Variants in CC2D2A observed in about 807,000 individuals in gnomAD.
CC2D2A encodes coiled-coil and C2 domain-containing protein 2A.
CC2D2A carries 155 observed loss-of-function variants against 212.9 expected under a neutral mutation model. The observed-to-expected ratio is 0.73, with a 90% CI of 0.64 to 0.83. The LOEUF (loss-of-function observed/expected upper bound fraction) is 0.83. Ranked by LOEUF, CC2D2A falls within the 40% of genes least tolerant of loss-of-function variation. The pLI is 0.00. For missense variants in CC2D2A, 1,856 were observed against 1,956.2 expected (o/e 0.95, Z 0.97); for synonymous variants, 667 against 686.5 (o/e 0.97, Z 0.44).
chr4:15,515,976 T>C lies in CC2D2A; in HGVS notation c.989T>C (p.Met330Thr), dbSNP rs1553826997. 4 of 1,589,784 alleles carry C rather than the reference T, an allele frequency of 2.5e-6. No individual in the cohort carries two copies. The highest frequency in any genetic ancestry group is 3.4e-6 in the Non-Finnish European group (4 of 1,167,740). Residue 330 changes from methionine to threonine, a missense_variant, in exon 10 of 37, where the codon ATG (methionine) becomes ACG (threonine). Coordinates refer to ENST00000424120, the MANE Select transcript of CC2D2A (RefSeq NM_001378615.1). ...GTGGCACGCACCAATCAGAACATCATGGAGAACAGATTGCTGATGCAGGAC... is the reference window on the plus strand; with the variant it reads ...GTGGCACGCACCAATCAGAACATCACGGAGAACAGATTGCTGATGCAGGAC... ...PEVARTNQNIMENRLLMQDPE... is the reference protein window; with the variant it reads ...PEVARTNQNITENRLLMQDPE...
At chr4:15,556,517 CTA>C (rs1474527165) in intron 20 of CC2D2A, among the ~76,000 whole-genome samples, 12 of 152,178 alleles carry the variant, frequency 7.9e-5, no homozygotes, top group Admixed American at 1.3e-4. Context: ...TTCTTTTTAA[CTA>C]TATGTTTTCC....
At chr4:15,495,774 A>G (rs1715581353) in intron 4 of CC2D2A, among the ~76,000 whole-genome samples, 1 of 152,114 alleles carries the variant, frequency 6.6e-6, no homozygotes, top group African/African-American at 2.4e-5. Flanking sequence ...GGGCCAAATG[A>G]TAGTTCTATT....
At chr4:15,551,176 T>C (rs576777099) in intron 18 of CC2D2A, among the ~76,000 whole-genome samples, 196 bp downstream of exon 18, 33 of 152,360 alleles carry the variant, frequency 2.2e-4, no homozygotes, top group Admixed American at 2.1e-3. Context: ...TGCATATAAC[T>C]GTGCAACTAT....
chr4:15,500,107 G>GTGTGTGTGTATATATATA (rs1479141284), intron 4 of CC2D2A, among the ~76,000 whole-genome samples: 23 of 112,940 alleles, frequency 2.0e-4, no homozygotes, highest in South Asian at 6.3e-4. Context: ...GTGTGTGTGT[G>GTGTGTGTGTATATATATA]TATATATATA....
intron 4 of CC2D2A, among the ~76,000 whole-genome samples, chr4:15,492,537 C>T (rs1335947051): frequency 1.3e-5 from 2 of 150,822 alleles, no homozygotes; most frequent in African/African-American, 4.9e-5. Context: ...GCACAGGGGA[C>T]TTTATTGATT....
chr4:15,553,170 C>T lies in CC2D2A; in HGVS notation c.2351C>T (p.Ser784Leu). Residue 784 changes from serine to leucine, a missense_variant, in exon 19 of 37, where the codon TCA becomes TTA. By Grantham distance (145) the Ser-to-Leu change is moderately radical. This residue lies in a region of CC2D2A where 1,512 missense variants were observed against 1,579.3 expected (regional missense o/e 0.96). Transcript: ENST00000424120. Reference protein sequence around the residue: ...HEGVGSGVPFSFEADGSNQLT... With the variant: ...HEGVGSGVPFLFEADGSNQLT... Reference sequence around the variant, plus strand: ...GGTGTTTCCCCAGGAGTGCCCTTCTCATTTGAAGCTGATGGCAGTAACCAG... The same window carrying T: ...GGTGTTTCCCCAGGAGTGCCCTTCTTATTTGAAGCTGATGGCAGTAACCAG... The T allele has an allele frequency of 6.2e-7, 1 of 1,602,804 alleles. No individual in the cohort carries two copies. The highest frequency in any genetic ancestry group is 8.5e-7 in the Non-Finnish European group (1 of 1,175,960).
At chr4:15,482,124 A>G in intron 4 of CC2D2A, 2 of 985,454 alleles carry the variant, frequency 2.0e-6, no homozygotes, top group Non-Finnish European at 2.4e-6. Context: ...CCTATGGCAA[A>G]GTTGGGAAAT....
At chr4:15,530,072 C>T (rs932172838) in intron 13 of CC2D2A, among the ~76,000 whole-genome samples, 7 of 151,622 alleles carry the variant, frequency 4.6e-5, no homozygotes, top group Non-Finnish European at 1.0e-4. Flanking sequence ...CCCGGGTTCA[C>T]GCCATTCTCC....
At chr4:15,560,703 G>T in intron 23 of CC2D2A, 81 bp downstream of exon 23, 2 of 656,266 alleles carry the variant, frequency 3.0e-6, no homozygotes, top group Non-Finnish European at 5.1e-6. Context: ...TATCATATAA[G>T]ATTTTTAAAA....
At chr4:15,521,584 C>G (rs939072335) in intron 11 of CC2D2A, among the ~76,000 whole-genome samples, 1 of 152,096 alleles carries the variant, frequency 6.6e-6, no homozygotes, top group African/African-American at 2.4e-5. Context: ...GGCAATAGGT[C>G]GGCAGGCGAA....
At chr4:15,484,797 G>C (rs960836904) in intron 4 of CC2D2A, among the ~76,000 whole-genome samples, 6 of 152,204 alleles carry the variant, frequency 3.9e-5, no homozygotes, top group African/African-American at 1.4e-4. Flanking sequence ...GACATGCAAA[G>C]TTGAGATGCC....
At chr4:15,546,692 C>T (rs370986457) in intron 17 of CC2D2A, among the ~76,000 whole-genome samples, 1 of 152,226 alleles carries the variant, frequency 6.6e-6, no homozygotes. Flanking sequence ...ATCTTACTTG[C>T]CATGCTTTAA....
At chr4:15,483,791 G>C (rs557849799) in intron 4 of CC2D2A, among the ~76,000 whole-genome samples, 2 of 152,244 alleles carry the variant, frequency 1.3e-5, no homozygotes, top group South Asian at 4.1e-4. Context: ...TGAATGCCTC[G>C]TGACCATCTC....
chr4:15,522,785 T>C (rs1308395195), intron 11 of CC2D2A, among the ~76,000 whole-genome samples: 1 of 152,094 alleles, frequency 6.6e-6, no homozygotes, highest in Non-Finnish European at 1.5e-5. Flanking sequence ...CAATATAAAA[T>C]GCAGTTTGCC....
chr4:15,600,194 T>TAA (rs1392074796), intron 36 of CC2D2A, among the ~76,000 whole-genome samples: 1 of 152,200 alleles, frequency 6.6e-6, no homozygotes, highest in Non-Finnish European at 1.5e-5. Context: ...CCTTACTAGC[T>TAA]AAACAGTGTG....
At chr4:15,515,721 C>G in intron 9 of CC2D2A, 147 bp from the exon 10 acceptor site, 1 of 761,948 alleles carries the variant, frequency 1.3e-6, no homozygotes, top group Non-Finnish European at 2.0e-6. Context: ...TTCATCTTTT[C>G]CTTGGTTCTG....
intron 34 of CC2D2A, 132 bp downstream of exon 34, chr4:15,596,339 C>A: frequency 2.8e-6 from 2 of 709,268 alleles, no homozygotes; most frequent in Non-Finnish European, 4.1e-6. Context: ...GAGCTCAACT[C>A]ACAACAAGAA....
intron 1 of CC2D2A, among the ~76,000 whole-genome samples, chr4:15,472,188 T>A (rs1423588236): frequency 1.3e-5 from 2 of 152,174 alleles, no homozygotes; most frequent in African/African-American, 2.4e-5. Context: ...AATGTGACAT[T>A]TAATAATTAT....
intron 6 of CC2D2A, among the ~76,000 whole-genome samples, chr4:15,507,644 T>C (rs115156461): frequency 2.8e-4 from 43 of 152,292 alleles, no homozygotes; most frequent in African/African-American, 1.0e-3. Context: ...CATTTATTAG[T>C]GTGCAAGGAG....
Sources: gnomAD v4.1 joint callset for allele counts (sites outside exome capture counted in the v4.1 genomes callset) on GRCh38, gnomAD v4.1.1 for gene constraint, gnomAD v4.1.1 regional missense constraint, MANE v1.5 for transcripts, NCBI Gene and HGNC (gene_info 2026-07-23, HGNC 2026-07-21) for gene names.